MAP3K13: variants seen among roughly 807,000 people sequenced by gnomAD.
MAP3K13 encodes the protein mitogen-activated protein kinase kinase kinase 13.
MAP3K13 carries 52 observed loss-of-function variants against 104.0 expected under a neutral mutation model. The observed-to-expected ratio is 0.50, with a 90% CI of 0.40 to 0.63. The LOEUF is 0.63. Among genes scored for constraint, MAP3K13 ranks in the 20% least tolerant of loss-of-function variants. The pLI is 0.00. For synonymous variants in MAP3K13, 394 were observed against 442.2 expected (o/e 0.89, Z 1.37); for missense variants, 914 against 1,218.5 (o/e 0.75, Z 3.72).
chr3:185,427,040 G>GA (rs574784121), intron 1 of MAP3K13, among the ~76,000 whole-genome samples: 45 of 152,178 alleles, frequency 3.0e-4, no homozygotes, highest in Middle Eastern at 3.4e-3. Context: ...GATTTAAAAA[G>GA]AAAGTACATT....
chr3:185,471,756 G>A (rs373633931), intron 10 of MAP3K13, among the ~76,000 whole-genome samples: 5 of 152,236 alleles, frequency 3.3e-5, no homozygotes, highest in Middle Eastern at 3.4e-3. Flanking sequence ...CACCACGCCC[G>A]GCCGACCTTT....
intron 1 of MAP3K13, among the ~76,000 whole-genome samples, chr3:185,364,247 C>T (rs1481780102): frequency 2.0e-5 from 3 of 152,152 alleles, no homozygotes; most frequent in Non-Finnish European, 4.4e-5. Flanking sequence ...CAAAAAGTTA[C>T]TATTTGTGAT....
At chr3:185,417,371 T>C (rs1713838006) in intron 1 of MAP3K13, 3 of 1,036,960 alleles carry the variant, frequency 2.9e-6, no homozygotes, top group South Asian at 1.7e-5. Flanking sequence ...ATCAAAACAC[T>C]GATATATGTT....
At chr3:185,332,806 G>T (rs994808026) in intron 2 of MAP3K13, among the ~76,000 whole-genome samples, 1 of 152,124 alleles carries the variant, frequency 6.6e-6, no homozygotes. Flanking sequence ...AGATATTTGG[G>T]TTGCTTCTAC....
chr3:185,396,829 G>A (rs915250491), intron 1 of MAP3K13, among the ~76,000 whole-genome samples: 9 of 152,088 alleles, frequency 5.9e-5, no homozygotes, highest in African/African-American at 9.7e-5. Flanking sequence ...GCTCAGTCTG[G>A]AGTGACTGAA....
At chr3:185,287,228 A>G (rs1329607757) in intron 2 of MAP3K13, among the ~76,000 whole-genome samples, 1 of 152,188 alleles carries the variant, frequency 6.6e-6, no homozygotes, top group Non-Finnish European at 1.5e-5. Context: ...CTAGGTTAGT[A>G]TTGCAGTGGC....
At chr3:185,291,758 A>G in intron 2 of MAP3K13, 1 of 1,482,692 alleles carries the variant, frequency 6.7e-7, no homozygotes, top group Non-Finnish European at 8.8e-7. Flanking sequence ...CCCTCTCACA[A>G]AAGTACAAGC....
intron 7 of MAP3K13, among the ~76,000 whole-genome samples, chr3:185,459,513 TCTC>T (rs764009777): frequency 1.3e-5 from 2 of 152,126 alleles, no homozygotes; most frequent in African/African-American, 2.4e-5. Context: ...AGTGGTGTGA[TCTC>T]AGCCCACTGC....
chr3:185,304,420 C>A (rs1721209122), intron 2 of MAP3K13, among the ~76,000 whole-genome samples: 1 of 152,130 alleles, frequency 6.6e-6, no homozygotes, highest in South Asian at 2.1e-4. Context: ...GCATTGAAAT[C>A]TCCTACTATT....
At chr3:185,292,797 T>G in intron 2 of MAP3K13, 5 of 985,400 alleles carry the variant, frequency 5.1e-6, no homozygotes, top group Non-Finnish European at 6.0e-6. Context: ...GGGCTAATTC[T>G]AAGAAGGAGC....
upstream of MAP3K13, among the ~76,000 whole-genome samples, chr3:185,358,458 A>C (rs542895387): frequency 6.6e-6 from 1 of 152,258 alleles, no homozygotes; most frequent in South Asian, 2.1e-4. Context: ...AGACCACAAC[A>C]CTCAATGATA....
chr3:185,290,907 G>C (rs1474736372), intron 2 of MAP3K13, among the ~76,000 whole-genome samples: 1 of 152,124 alleles, frequency 6.6e-6, no homozygotes, highest in African/African-American at 2.4e-5. Flanking sequence ...AACCTCTTCT[G>C]AAAAAGAGAA....
At chr3:185,417,871 C>T (rs1713876613) in intron 1 of MAP3K13, 2 of 1,606,122 alleles carry the variant, frequency 1.2e-6, no homozygotes, top group African/African-American at 2.7e-5. Flanking sequence ...GCGTGGTGCT[C>T]AAAGGGCTCT....
chr3:185,362,762 C>T (rs1723681247), upstream of MAP3K13, among the ~76,000 whole-genome samples: 1 of 152,100 alleles, frequency 6.6e-6, no homozygotes, highest in Non-Finnish European at 1.5e-5. Context: ...TTGATCGCAT[C>T]AGGCATATTG....
At chr3:185,296,100 C>T (rs774851206) in intron 2 of MAP3K13, among the ~76,000 whole-genome samples, 1 of 152,050 alleles carries the variant, frequency 6.6e-6, no homozygotes, top group African/African-American at 2.4e-5. Flanking sequence ...AAAAATGAGC[C>T]GGGCATTGTG....
chr3:185,298,764 A>G (rs554340077), intron 2 of MAP3K13, among the ~76,000 whole-genome samples: 4 of 152,222 alleles, frequency 2.6e-5, no homozygotes, highest in Admixed American at 2.0e-4. Context: ...ATATCCCCCA[A>G]CTGGTTTGCT....
chr3:185,393,826 T>A (rs985670876), intron 1 of MAP3K13, among the ~76,000 whole-genome samples: 1 of 152,176 alleles, frequency 6.6e-6, no homozygotes, highest in African/African-American at 2.4e-5. Context: ...GAGTACTCAA[T>A]CATCTTTTTT....
intron 1 of MAP3K13, among the ~76,000 whole-genome samples, chr3:185,416,957 A>T (rs1319162845): frequency 6.6e-6 from 1 of 151,892 alleles, no homozygotes; most frequent in African/African-American, 2.4e-5. Flanking sequence ...TTTTATTTTT[A>T]TTTTTTCTTT....
rs1486584320 is a variant in MAP3K13, at chr3:185,404,790, T to G, written c.-85-23707T>G. Among the ~76,000 whole-genome samples, 3 of 152,172 alleles carry G rather than the reference T, an allele frequency of 2.0e-5. No homozygotes were observed. The East Asian group carries it at 5.8e-4, about 29-fold the overall frequency. On this transcript the variant is annotated intron_variant, in intron 1 of 13. Transcript: ENST00000265026. ...TGGGGTTTCACCATGTTGGCCAGGC[T>G]GGTCTCAAACTCCTGACCTCAGGTG... is the stretch of plus-strand genomic sequence containing the variant.
Sources: allele counts gnomAD v4.1 joint callset (sites outside exome capture counted in the v4.1 genomes callset), GRCh38; gene constraint gnomAD v4.1.1; transcripts MANE v1.5; gene names NCBI Gene and HGNC (gene_info 2026-07-23, HGNC 2026-07-21).